Variants in CNTNAP2 observed in about 807,000 individuals in gnomAD.
CNTNAP2 encodes contactin-associated protein-like 2.
Under a neutral mutation model 155.2 loss-of-function variants are expected in CNTNAP2, and 98 were observed. The ratio of observed to expected loss-of-function variants is 0.63; its 90% CI spans 0.54 to 0.75. The LOEUF is 0.75. Ranked by LOEUF, CNTNAP2 falls within the 30% of genes least tolerant of loss-of-function variation. The probability of loss-of-function intolerance (pLI) is 0.00; values close to 1 mark genes in which losing one functional copy is unlikely to be tolerated. For missense variants in CNTNAP2, 1,727 were observed against 1,688.1 expected, an observed-to-expected ratio of 1.02 and a Z score of -0.40; for synonymous variants, 651 against 631.2, an observed-to-expected ratio of 1.03 and a Z score of -0.47.
intron 1 of CNTNAP2, among the ~76,000 whole-genome samples, chr7:146,155,270 G>A (rs569699214): frequency 2.6e-5 from 4 of 152,200 alleles, no homozygotes; most frequent in Middle Eastern, 3.4e-3. Context: ...TTAAATCACC[G>A]ATACTAGTTT....
Position 147,677,070 on chromosome 7 carries a change from A to AT in CNTNAP2, c.2098+37777dup, listed in dbSNP as rs35432022. ...ATCACTTAGGAGTTCTGTTTCATTA[A>AT]TTTTTTTTTTTTTGAGGAACCTCCA... On this transcript the variant is annotated intron_variant, in intron 13 of 23. Transcript: ENST00000361727. Among the ~76,000 whole-genome samples, 91 of 148,144 alleles carry AT rather than the reference A, an allele frequency of 6.1e-4. 1 individual carries two copies. The highest frequency in any genetic ancestry group is 4.5e-4 in the Non-Finnish European group (30 of 66,556).
intron 3 of CNTNAP2, among the ~76,000 whole-genome samples, chr7:146,998,423 G>A (rs1798353107): frequency 6.6e-6 from 1 of 151,896 alleles, no homozygotes; most frequent in African/African-American, 2.4e-5. Flanking sequence ...TTAAACTTGT[G>A]GAGGCTTGTT....
At chr7:146,594,914 G>A (rs553401084) in intron 1 of CNTNAP2, among the ~76,000 whole-genome samples, 3 of 151,916 alleles carry the variant, frequency 2.0e-5, no homozygotes, top group Non-Finnish European at 2.9e-5. Flanking sequence ...ACATGACAAC[G>A]CTGACCCTGG....
chr7:148,251,947 G>A (rs972499052), intron 20 of CNTNAP2, among the ~76,000 whole-genome samples: 3 of 152,222 alleles, frequency 2.0e-5, no homozygotes, highest in African/African-American at 7.2e-5. Context: ...ACAGGAGCCT[G>A]TAGGGCACAG....
chr7:146,213,658 C>T (rs1799070362), intron 1 of CNTNAP2, among the ~76,000 whole-genome samples: 1 of 152,100 alleles, frequency 6.6e-6, no homozygotes, highest in Admixed American at 6.6e-5. Context: ...TTTTAAGTAA[C>T]CCAATGGGAA....
intron 3 of CNTNAP2, among the ~76,000 whole-genome samples, chr7:146,974,032 G>A (rs1327838975): frequency 6.6e-6 from 1 of 152,144 alleles, no homozygotes; most frequent in African/African-American, 2.4e-5. Flanking sequence ...TTTAGGATGA[G>A]GGAGATAGAT....
chr7:148,081,921 T>G (rs546187624), intron 15 of CNTNAP2, among the ~76,000 whole-genome samples: 1 of 152,250 alleles, frequency 6.6e-6, no homozygotes, highest in South Asian at 2.1e-4. Context: ...AGATATAGGC[T>G]GATAGATGGA....
chr7:146,456,302 A>G (rs1024937685), intron 1 of CNTNAP2, among the ~76,000 whole-genome samples: 3 of 152,166 alleles, frequency 2.0e-5, no homozygotes, highest in African/African-American at 7.2e-5. Flanking sequence ...ACAAAAAGCA[A>G]CAGCAGACTA....
chr7:146,751,224 T>C (rs1801898057), intron 1 of CNTNAP2, among the ~76,000 whole-genome samples: 1 of 152,198 alleles, frequency 6.6e-6, no homozygotes, highest in South Asian at 2.1e-4. Flanking sequence ...AATTTGAGTA[T>C]ACAAATTTGA....
In CNTNAP2 at chr7:146,687,594, ATT is replaced by A. The variant is rs5888219; in HGVS notation, c.98-86673_98-86672del. Among the ~76,000 whole-genome samples, 548 of 152,078 alleles carry A rather than the reference ATT, an allele frequency of 3.6e-3. 5 individuals are homozygous for A. The highest frequency in any genetic ancestry group is 4.8e-3 in the Non-Finnish European group (325 of 67,986). On this transcript the variant is annotated intron_variant, in intron 1 of 23. Coordinates refer to ENST00000361727, the MANE Select transcript of CNTNAP2 (RefSeq NM_014141.6). ...TAATACATGGATGTGGATTTGTGAT[ATT>A]TTTAGGCTTTTGTGTTTGCACAGAT...
intron 1 of CNTNAP2, among the ~76,000 whole-genome samples, chr7:146,164,793 G>T (rs181683331): frequency 6.7e-6 from 1 of 149,176 alleles, no homozygotes; most frequent in African/African-American, 2.4e-5. Context: ...CGCATCTTCC[G>T]TTTCTCTATG....
intron 21 of CNTNAP2, among the ~76,000 whole-genome samples, chr7:148,270,234 G>A (rs1796750449): frequency 6.6e-6 from 1 of 152,192 alleles, no homozygotes; most frequent in African/African-American, 2.4e-5. Context: ...ATCAATCTGT[G>A]CAAAGCTAAA....
chr7:147,906,147 G>A (rs559790645), intron 14 of CNTNAP2, among the ~76,000 whole-genome samples: 30 of 152,244 alleles, frequency 2.0e-4, no homozygotes, highest in African/African-American at 7.0e-4. Context: ...CATGACATCT[G>A]TGTCTAAACC....
chr7:148,113,307 C>G (rs1804396663), intron 15 of CNTNAP2, among the ~76,000 whole-genome samples: 2 of 152,098 alleles, frequency 1.3e-5, no homozygotes, highest in Non-Finnish European at 2.9e-5. Context: ...GGAGCAGGAG[C>G]AAGAGAGAGA....
intron 4 of CNTNAP2, among the ~76,000 whole-genome samples, chr7:147,086,873 G>C (rs959776703): frequency 6.6e-6 from 1 of 152,152 alleles, no homozygotes; most frequent in East Asian, 1.9e-4. Context: ...AAAACAAGAT[G>C]AAACTTCAGA....
Position 148,157,586 on chromosome 7 carries a change from A to AAAAAAAAAAAAT in CNTNAP2, c.2773+9877_2773+9878insAAAAAAAAAAAT, listed in dbSNP as rs1554398712. Among the ~76,000 whole-genome samples the AAAAAAAAAAAAT allele has an allele frequency of 2.0e-5, 3 of 150,882 alleles. 1 individual carries two copies. The highest frequency in any genetic ancestry group is 7.3e-5 in the African/African-American group (3 of 40,828). ...GCAGAAGCAGCAAAAAAAAAAAAAA[A>AAAAAAAAAAAAT]GTCACAGAGAAAGTCAGCATATTAT... On this transcript the variant is annotated intron_variant, in intron 17 of 23. Transcript: ENST00000361727.
rs184695597 is a variant in CNTNAP2 at position 146,966,852 on chromosome 7, T to A, written c.403-77055T>A. ...TCTAGTTCAGCCTAAATCTATTGTA[T>A]ACTAAATAGTGTAAAAGAGGTATTT... On this transcript the variant is annotated intron_variant, in intron 3 of 23. Transcript: ENST00000361727. Among the ~76,000 whole-genome samples, 5 of 152,342 alleles carry A rather than the reference T, an allele frequency of 3.3e-5. No individual in the cohort carries two copies. The East Asian group carries it at 9.7e-4, about 29-fold the overall frequency.
chr7:146,570,554 A>G (rs575725735), intron 1 of CNTNAP2, among the ~76,000 whole-genome samples: 10 of 152,280 alleles, frequency 6.6e-5, no homozygotes, highest in Admixed American at 5.9e-4. Context: ...TCTCTAAGTA[A>G]ACTAATAATG....
chr7:147,050,137 C>A (rs929973035), intron 4 of CNTNAP2, among the ~76,000 whole-genome samples: 1 of 152,162 alleles, frequency 6.6e-6, no homozygotes, highest in African/African-American at 2.4e-5. Flanking sequence ...TAAAACTTAG[C>A]AATATGTCCC....
Sources: allele counts gnomAD v4.1 joint callset (sites outside exome capture counted in the v4.1 genomes callset), GRCh38; gene constraint gnomAD v4.1.1; transcripts MANE v1.5; gene names NCBI Gene and HGNC (gene_info 2026-07-23, HGNC 2026-07-21).